LRRC38: variants seen among roughly 807,000 people sequenced by gnomAD.
LRRC38 encodes leucine rich repeat containing 38, also known as leucine-rich repeat-containing protein 38.
A neutral mutation model predicts 16.4 loss-of-function variants in LRRC38; 5 were observed. That is an observed-to-expected ratio of 0.31 (90% CI 0.16 to 0.64). The LOEUF is 0.64. Ranked by LOEUF, LRRC38 falls within the 30% of genes least tolerant of loss-of-function variation. The pLI, the probability that LRRC38 is intolerant of heterozygous loss-of-function variation, is 0.80. For missense variants in LRRC38, 341 were observed against 401.8 expected, an observed-to-expected ratio of 0.85 and a Z score of 1.29; for synonymous variants, 191 against 190.2, an observed-to-expected ratio of 1.00 and a Z score of -0.04.
intron 1 of LRRC38, among the ~76,000 whole-genome samples, chr1:13,490,188 ACT>A (rs963793995): frequency 1.3e-4 from 20 of 151,980 alleles, no homozygotes; most frequent in African/African-American, 3.6e-4. Flanking sequence ...ACAGAGTCTC[ACT>A]CTGTCGCCCA....
At chr1:13,481,827 G>A (rs1176913513) in intron 1 of LRRC38, among the ~76,000 whole-genome samples, 1 of 131,660 alleles carries the variant, frequency 7.6e-6, no homozygotes, top group South Asian at 2.4e-4. Flanking sequence ...CTCTCTCTCT[G>A]CCATGTGAGG....
intron 1 of LRRC38, among the ~76,000 whole-genome samples, chr1:13,482,299 A>C (rs1221325232): frequency 6.6e-6 from 1 of 152,084 alleles, no homozygotes; most frequent in South Asian, 2.1e-4. Flanking sequence ...AAGCCTGGCC[A>C]GGCACGGTGG....
In LRRC38 at chr1:13,475,834, G is replaced by A. The variant is rs1180235365; in HGVS notation, c.*12C>T. On this transcript the variant is annotated 3_prime_UTR_variant, in exon 2 of 2. Transcript: ENST00000376085. The surrounding 1 kb of genome is among the most constrained non-coding windows in gnomAD (Gnocchi z 4.3). The stretch of plus-strand genomic sequence containing the variant: ...GGTGCTGGAGAGTAAGAGGCAGGAG[G>A]GAGGAGGTGGCTCAGTCATCCTTGT... The A allele has an allele frequency of 1.9e-6, 3 of 1,547,494 alleles. No homozygotes were observed. Among genetic ancestry groups the A allele is most frequent in the Non-Finnish European group, 2.6e-6 (3 of 1,145,428 alleles).
Position 13,481,019 on chromosome 1 carries a change from C to T in LRRC38, c.632-4920G>A, listed in dbSNP as rs373938375. 5.9e-5 allele frequency among the ~76,000 whole-genome samples: 9 copies of T among 152,226 alleles called. No homozygotes were observed. The South Asian group carries it at 8.3e-4, about 14-fold the overall frequency. On this transcript the variant is annotated intron_variant, in intron 1 of 1. Coordinates refer to ENST00000376085, the MANE Select transcript of LRRC38 (RefSeq NM_001010847.2). ...CAGAATGTATATGTGGAAGCCCTAG[C>T]CCCCAGTGTGATGGTATCTGGAGGT...
chr1:13,492,342 T>G (rs1265844898), intron 1 of LRRC38, among the ~76,000 whole-genome samples: 2 of 152,202 alleles, frequency 1.3e-5, no homozygotes, highest in Non-Finnish European at 2.9e-5. Context: ...AGACAACGTG[T>G]TGTTGTTACA....
intron 1 of LRRC38, among the ~76,000 whole-genome samples, chr1:13,484,282 C>T (rs1638906096): frequency 6.6e-6 from 1 of 152,100 alleles, no homozygotes; most frequent in East Asian, 1.9e-4. Flanking sequence ...ACCCCATCAT[C>T]CTCCATCTCC....
At chr1:13,485,577 A>G (rs1390836651) in intron 1 of LRRC38, among the ~76,000 whole-genome samples, 1 of 151,556 alleles carries the variant, frequency 6.6e-6, no homozygotes, top group Non-Finnish European at 1.5e-5. Context: ...AAAAAAAAAA[A>G]GAAGAAGAAG....
At chr1:13,507,316 G>A (rs1451259296) in intron 1 of LRRC38, among the ~76,000 whole-genome samples, 2 of 152,232 alleles carry the variant, frequency 1.3e-5, no homozygotes, top group Non-Finnish European at 2.9e-5. Context: ...GCAGTGGACT[G>A]TGGCACACAG....
At chr1:13,503,482 T>C (rs1056652074) in intron 1 of LRRC38, among the ~76,000 whole-genome samples, 3 of 152,198 alleles carry the variant, frequency 2.0e-5, no homozygotes, top group African/African-American at 7.2e-5. Flanking sequence ...TTAGCCAGGC[T>C]GGTCTCGATC....
chr1:13,486,588 CTTTTT>C (rs34927682), intron 1 of LRRC38, among the ~76,000 whole-genome samples: 5 of 127,646 alleles, frequency 3.9e-5, no homozygotes, highest in Non-Finnish European at 8.1e-5. Flanking sequence ...CTTGGTGTAC[CTTTTT>C]TTTTTTTTTT....
rs572105561 is a variant in LRRC38 at position 13,500,821 on chromosome 1, C to T, written c.631+12142G>A. Among the ~76,000 whole-genome samples, 9 of 152,236 alleles carry T rather than the reference C, an allele frequency of 5.9e-5. No individual in the cohort carries two copies. In the East Asian group the frequency reaches 1.7e-3, roughly 29 times the overall value. On this transcript the variant is annotated intron_variant, in intron 1 of 1. Transcript: ENST00000376085. ...AGGTTATAAAGTGAACGCCAGAAAG[C>T]ATACGAAAGAGAAATTTTAAATGAT...
intron 1 of LRRC38, among the ~76,000 whole-genome samples, chr1:13,498,282 G>A (rs533271458): frequency 5.9e-5 from 9 of 151,940 alleles, no homozygotes; most frequent in South Asian, 2.1e-4. Context: ...GTGTTTTAGC[G>A]CTTATTTCCC....
chr1:13,478,605 T>C (rs1049686349), intron 1 of LRRC38, among the ~76,000 whole-genome samples: 3 of 152,180 alleles, frequency 2.0e-5, no homozygotes, highest in Non-Finnish European at 4.4e-5. Flanking sequence ...TCACCTCCTC[T>C]CTTTTTTGGT....
At chr1:13,507,158 A>G (rs1415439909) in intron 1 of LRRC38, among the ~76,000 whole-genome samples, 1 of 152,172 alleles carries the variant, frequency 6.6e-6, no homozygotes, top group Non-Finnish European at 1.5e-5. Flanking sequence ...CCCCTCGGTG[A>G]GGTTACCTTA....
chr1:13,509,861 C>G (rs925999484), intron 1 of LRRC38, among the ~76,000 whole-genome samples: 1 of 152,132 alleles, frequency 6.6e-6, no homozygotes, highest in African/African-American at 2.4e-5. Context: ...ACAGAGCCAG[C>G]GAAAAGCCCC....
chr1:13,512,949 C>T lies in LRRC38; in HGVS notation c.631+14G>A. ...CCCCTCCCTCCCTCCCCCAGCCTAG[C>T]CGGCTCGGCTCACCTTTGGGCAGTT... On this transcript the variant is annotated intron_variant, in intron 1 of 1. Coordinates refer to ENST00000376085, the MANE Select transcript of LRRC38 (RefSeq NM_001010847.2). 3 of 1,497,528 alleles carry T rather than the reference C, an allele frequency of 2.0e-6. No homozygotes were observed. Among genetic ancestry groups the T allele is most frequent in the Non-Finnish European group, 1.8e-6 (2 of 1,109,294 alleles). 92.8% of individuals were successfully genotyped at this position (1,497,528 alleles called of 1,614,324 possible).
At chr1:13,492,579 GCAA>G (rs761209667) in intron 1 of LRRC38, among the ~76,000 whole-genome samples, 5 of 152,140 alleles carry the variant, frequency 3.3e-5, no homozygotes, top group Admixed American at 6.5e-5. Flanking sequence ...GCGGGTGCCT[GCAA>G]TCCCAGCTGC....
At chr1:13,481,569 ATT>A (rs200139787) in intron 1 of LRRC38, among the ~76,000 whole-genome samples, 115 of 149,914 alleles carry the variant, frequency 7.7e-4, no homozygotes, top group Non-Finnish European at 1.0e-3. Context: ...TTTTTTTTGT[ATT>A]TTTTTAGTAG....
intron 1 of LRRC38, among the ~76,000 whole-genome samples, chr1:13,485,407 C>T (rs538331159): frequency 3.4e-4 from 51 of 152,004 alleles, no homozygotes; most frequent in Admixed American, 1.2e-3. Flanking sequence ...GAAACCCTGT[C>T]TCTACTAAAA....
Sources: allele counts gnomAD v4.1 joint callset (sites outside exome capture counted in the v4.1 genomes callset), GRCh38; gene constraint gnomAD v4.1.1; non-coding constraint Gnocchi (gnomAD v3.1); transcripts MANE v1.5; gene names NCBI Gene and HGNC (gene_info 2026-07-23, HGNC 2026-07-21).